Variants in SNTG1 observed in about 807,000 individuals in gnomAD.
The protein encoded by SNTG1 is gamma-1-syntrophin.
In SNTG1, 39 loss-of-function variants were observed where a neutral mutation model predicts 74.7. The ratio of observed to expected loss-of-function variants is 0.52; its 90% CI spans 0.40 to 0.68. SNTG1 has a LOEUF of 0.68. Among genes scored for constraint, SNTG1 ranks in the 30% least tolerant of loss-of-function variants. The probability of loss-of-function intolerance (pLI) is 0.00; values close to 1 mark genes in which losing one functional copy is unlikely to be tolerated. For missense variants in SNTG1, 685 were observed against 609.5 expected (o/e 1.12, Z -1.30); for synonymous variants, 254 against 217.1 (o/e 1.17, Z -1.49).
At chr8:50,530,033 C>G (rs2094253980) in intron 9 of SNTG1, 144 bp from the exon 10 acceptor site, 1 of 679,218 alleles carries the variant, frequency 1.5e-6, no homozygotes, top group Non-Finnish European at 2.4e-6. Context: ...AAAACTCTGG[C>G]TTTAGTATAA....
intron 2 of SNTG1, among the ~76,000 whole-genome samples, chr8:50,349,677 G>C (rs920129046): frequency 6.6e-6 from 1 of 152,182 alleles, no homozygotes; most frequent in Admixed American, 6.5e-5. Context: ...TTTTGGAAAG[G>C]CACTTTGCTG....
At chr8:50,773,215 A>G (rs1003119834) in intron 18 of SNTG1, among the ~76,000 whole-genome samples, 1 of 152,100 alleles carries the variant, frequency 6.6e-6, no homozygotes, top group Non-Finnish European at 1.5e-5. Flanking sequence ...AATTGGCAAT[A>G]CCAGTTGTGG....
At chr8:50,258,418 T>A (rs574761156) in intron 2 of SNTG1, among the ~76,000 whole-genome samples, 3 of 152,310 alleles carry the variant, frequency 2.0e-5, no homozygotes, top group South Asian at 4.1e-4. Context: ...CAAGAAGGTG[T>A]CATCCATACA....
At chr8:50,667,569 C>T (rs904409835) in intron 15 of SNTG1, among the ~76,000 whole-genome samples, 5 of 151,934 alleles carry the variant, frequency 3.3e-5, no homozygotes, top group Admixed American at 6.6e-5. Flanking sequence ...AAACCCATCA[C>T]GGGGCCCCAT....
intron 2 of SNTG1, chr8:50,381,927 A>G (rs2092495004): frequency 6.6e-6 from 1 of 150,424 alleles, no homozygotes; most frequent in Non-Finnish European, 1.5e-5. Context: ...ACTGAGGATT[A>G]AAGAAACCAG....
chr8:50,671,579 C>A (rs1231452598), intron 15 of SNTG1, among the ~76,000 whole-genome samples: 1 of 152,106 alleles, frequency 6.6e-6, no homozygotes, highest in African/African-American at 2.4e-5. Context: ...AATAGGAACA[C>A]TTTTACACTG....
intron 11 of SNTG1, among the ~76,000 whole-genome samples, chr8:50,541,981 G>T (rs1428350295): frequency 6.6e-6 from 1 of 150,844 alleles, no homozygotes; most frequent in African/African-American, 2.4e-5. Context: ...CATCCATGTT[G>T]CTGCAAATGA....
At position 50,121,198 on chromosome 8, in the gene SNTG1, T is replaced by C. The variant is rs565867404; in HGVS notation, c.-102-51363T>C. On this transcript the variant is annotated intron_variant, in intron 1 of 18. Transcript: ENST00000642720. ...AATATAACAACAGCATTGTCAGAGTTAAAATTTATTGAACTGGATGCTTGA... is the reference window on the plus strand; with the variant it reads ...AATATAACAACAGCATTGTCAGAGTCAAAATTTATTGAACTGGATGCTTGA... Among the ~76,000 whole-genome samples, 9 of 142,678 alleles carry C rather than the reference T, an allele frequency of 6.3e-5. 2 individuals are homozygous for C. The highest frequency in any genetic ancestry group is 2.3e-4 in the African/African-American group (9 of 39,616). 93.6% of individuals were successfully genotyped at this position (142,678 alleles called of 152,430 possible).
chr8:50,480,973 C>A (rs1462912646), intron 8 of SNTG1, among the ~76,000 whole-genome samples: 6 of 152,126 alleles, frequency 3.9e-5, no homozygotes, highest in Non-Finnish European at 7.3e-5. Flanking sequence ...CACATAGTAT[C>A]CTCTTGTATA....
At position 50,094,955 on chromosome 8, in the gene SNTG1, C is replaced by T. The variant is rs528875755; in HGVS notation, c.-102-77606C>T. On this transcript the variant is annotated intron_variant, in intron 1 of 18. Coordinates refer to ENST00000642720, the MANE Select transcript of SNTG1 (RefSeq NM_018967.5). ...GGATAAAGAAAATGTGGCACATATA[C>T]ACCATAGACTATTACATAGCCATAG... 1.3e-3 allele frequency among the ~76,000 whole-genome samples: 193 copies of T among 152,302 alleles called. 2 individuals are homozygous for T. Among genetic ancestry groups the T allele is most frequent in the African/African-American group, 4.4e-3 (181 of 41,574 alleles).
In SNTG1 at chr8:50,231,039, C is replaced by A. The variant is rs920299906; in HGVS notation, c.-28+58404C>A. Among the ~76,000 whole-genome samples, 9 of 151,228 alleles carry A rather than the reference C, an allele frequency of 6.0e-5. No individual in the cohort carries two copies. In the South Asian group the frequency reaches 1.0e-3, roughly 17 times the overall value. On this transcript the variant is annotated intron_variant, in intron 2 of 18. Coordinates refer to ENST00000642720, the MANE Select transcript of SNTG1 (RefSeq NM_018967.5). ...CAAAATACATAAGGAACTCAACTAA[C>A]TCTAAAGAAATAAAACAAATAATCT...
chr8:50,461,375 T>G (rs1043356078), intron 8 of SNTG1, among the ~76,000 whole-genome samples: 1 of 152,164 alleles, frequency 6.6e-6, no homozygotes, highest in Non-Finnish European at 1.5e-5. Context: ...AAATGTATTT[T>G]TTTCTGTCCA....
At chr8:50,631,337 A>C (rs2094995819) in intron 13 of SNTG1, among the ~76,000 whole-genome samples, 1 of 152,162 alleles carries the variant, frequency 6.6e-6, no homozygotes, top group Non-Finnish European at 1.5e-5. Context: ...TAAATGCAAC[A>C]ATTTTTGGAA....
chr8:50,425,436 G>T (rs1207876058), intron 4 of SNTG1, among the ~76,000 whole-genome samples: 1 of 152,074 alleles, frequency 6.6e-6, no homozygotes, highest in Non-Finnish European at 1.5e-5. Context: ...AATACCTGAT[G>T]ATCTGTCACT....
intron 1 of SNTG1, among the ~76,000 whole-genome samples, chr8:50,026,010 A>G (rs1275128335): frequency 2.0e-5 from 3 of 152,184 alleles, no homozygotes; most frequent in Non-Finnish European, 2.9e-5. Context: ...TTAGGCTGCT[A>G]TATATTTAGA....
intron 1 of SNTG1, among the ~76,000 whole-genome samples, chr8:49,977,797 T>C (rs1812324440): frequency 6.6e-6 from 1 of 152,242 alleles, no homozygotes; most frequent in Non-Finnish European, 1.5e-5. Context: ...GAAGGCTTCA[T>C]AGCAAGAGCT....
chr8:49,974,892 A>G (rs1812048914), intron 1 of SNTG1, among the ~76,000 whole-genome samples: 1 of 152,202 alleles, frequency 6.6e-6, no homozygotes, highest in Admixed American at 6.5e-5. Flanking sequence ...AGAGTAAAAC[A>G]AAATTAGGCA....
chr8:50,714,439 A>C (rs1000687064), intron 17 of SNTG1, among the ~76,000 whole-genome samples: 1 of 152,130 alleles, frequency 6.6e-6, no homozygotes, highest in African/African-American at 2.4e-5. Context: ...ATGGATAGGA[A>C]GAATCAATAT....
intron 13 of SNTG1, among the ~76,000 whole-genome samples, chr8:50,651,387 T>C (rs2095144897): frequency 6.6e-6 from 1 of 152,190 alleles, no homozygotes; most frequent in African/African-American, 2.4e-5. Flanking sequence ...GGTTAGCCTT[T>C]GTTGAATCCC....
Sources: allele counts gnomAD v4.1 joint callset (sites outside exome capture counted in the v4.1 genomes callset), GRCh38; gene constraint gnomAD v4.1.1; transcripts MANE v1.5; gene names NCBI Gene and HGNC (gene_info 2026-07-23, HGNC 2026-07-21).